Variants in SEC63 observed in about 807,000 individuals in gnomAD.
SEC63 encodes translocation protein SEC63 homolog.
Under a neutral mutation model 116.2 loss-of-function variants are expected in SEC63, and 56 were observed. The observed-to-expected ratio is 0.48, with a 90% CI of 0.39 to 0.60. SEC63 has a LOEUF of 0.60. SEC63 is among the 20% of genes least tolerant of loss of function. SEC63 has a pLI of 0.00. For synonymous variants in SEC63, 273 were observed against 294.6 expected, an observed-to-expected ratio of 0.93 and a Z score of 0.75; for missense variants, 668 against 900.0, an observed-to-expected ratio of 0.74 and a Z score of 3.30.
At chr6:107,925,368 A>C (rs1020981699) in intron 2 of SEC63, among the ~76,000 whole-genome samples, 1 of 152,220 alleles carries the variant, frequency 6.6e-6, no homozygotes, top group East Asian at 1.9e-4. Flanking sequence ...AGCCTTGTTT[A>C]TAGTAGTAAA....
At chr6:107,916,449 G>C (rs1359512347) in intron 4 of SEC63, among the ~76,000 whole-genome samples, 1 of 152,208 alleles carries the variant, frequency 6.6e-6, no homozygotes, top group South Asian at 2.1e-4. Flanking sequence ...CCTCTACTAA[G>C]TACAAAAATA....
In SEC63 at chr6:107,868,757, C is replaced by T. The variant is rs1255779090; in HGVS notation, c.*2947G>A. On this transcript the variant is annotated 3_prime_UTR_variant, in exon 21 of 21. Transcript: ENST00000369002. Reference sequence around the variant, plus strand: ...ACTCATCTACCTGCTCTAACACCAGCGAGTGAGTTCTTAACACTATTTTTT... The same window carrying T: ...ACTCATCTACCTGCTCTAACACCAGTGAGTGAGTTCTTAACACTATTTTTT... The T allele has an allele frequency of 1.3e-5, 2 of 151,866 alleles. No homozygotes were observed. Among genetic ancestry groups the T allele is most frequent in the East Asian group, 1.9e-4 (1 of 5,190 alleles). 9.4% of individuals were successfully genotyped at this position (151,866 alleles called of 1,614,324 possible).
At chr6:107,895,716 G>A (rs2114430741) in intron 14 of SEC63, among the ~76,000 whole-genome samples, 1 of 151,504 alleles carries the variant, frequency 6.6e-6, no homozygotes, top group East Asian at 2.0e-4. Context: ...TGACTCAGGA[G>A]AAAATATAAA....
chr6:107,897,825 C>A, intron 13 of SEC63, 94 bp from the exon 14 acceptor site: 1 of 820,852 alleles, frequency 1.2e-6, no homozygotes, highest in East Asian at 2.4e-5. Flanking sequence ...ATTAGTTTGG[C>A]ACTTTAGTAT....
rs768329883 is a variant in SEC63 at position 107,881,127 on chromosome 6, C to CA, written c.1935+21dup. On this transcript the variant is annotated intron_variant, in intron 18 of 20. Transcript: ENST00000369002. ...GAGAAAGTGAATGGAATAAGGAACA[C>CA]AGTAGCCTGTATATAACTCACCTCA... 23 of 1,482,446 alleles carry CA rather than the reference C, an allele frequency of 1.6e-5. No homozygotes were observed. The East Asian group carries it at 5.0e-4, about 32-fold the overall frequency. The allele number at this position is 1,482,446 out of a possible 1,614,324, so 91.8% of individuals were successfully genotyped here. A position where few individuals can be genotyped will look rare whatever the true frequency, so the allele number is the denominator to read the frequency against.
chr6:107,876,476 A>G, intron 19 of SEC63, 88 bp downstream of exon 19: 1 of 854,626 alleles, frequency 1.2e-6, no homozygotes, highest in Non-Finnish European at 2.0e-6. Context: ...TAAATATGAT[A>G]AACTTTTTAA....
Position 107,875,369 on chromosome 6 carries a change from T to C in SEC63, c.2034+1195A>G, listed in dbSNP as rs150515326. 5.7e-3 allele frequency among the ~76,000 whole-genome samples: 867 copies of C among 152,282 alleles called. 6 individuals are homozygous for C. The highest frequency in any genetic ancestry group is 9.8e-3 in the Non-Finnish European group (668 of 68,018). ...GATCTAGGGAGGTTTCATGATACCA[T>C]GCTTGTTAACTTTTCAATAGGTTTT... On this transcript the variant is annotated intron_variant, in intron 19 of 20. Coordinates refer to ENST00000369002, the MANE Select transcript of SEC63 (RefSeq NM_007214.5).
chr6:107,901,519 TG>T lies in SEC63; in HGVS notation c.1210-3del. On this transcript the variant is annotated splice_region_variant and splice_polypyrimidine_tract_variant and intron_variant, in intron 12 of 20. Transcript: ENST00000369002. ...ATCCTGGATAGTTTTAATTTTATAC[TG>T]AATAAAAAAAAAAAAGAAAATACAT... 1 of 1,537,000 alleles carries T rather than the reference TG, an allele frequency of 6.5e-7. No individual in the cohort carries two copies. Among genetic ancestry groups the T allele is most frequent in the Non-Finnish European group, 8.9e-7 (1 of 1,125,926 alleles).
At chr6:107,878,541 T>C (rs911178142) in intron 18 of SEC63, among the ~76,000 whole-genome samples, 8 of 152,194 alleles carry the variant, frequency 5.3e-5, no homozygotes, top group Non-Finnish European at 7.3e-5. Flanking sequence ...GCCTATTTAA[T>C]TACAATGAGA....
At chr6:107,928,170 CCCT>C (rs975066045) in intron 2 of SEC63, among the ~76,000 whole-genome samples, 1 of 152,106 alleles carries the variant, frequency 6.6e-6, no homozygotes, top group Non-Finnish European at 1.5e-5. Flanking sequence ...GCTAGAATTT[CCCT>C]CCTCCTACAA....
chr6:107,888,249 G>C (rs1330898513), intron 16 of SEC63, among the ~76,000 whole-genome samples: 1 of 152,094 alleles, frequency 6.6e-6, no homozygotes, highest in African/African-American at 2.4e-5. Context: ...CCATTTGTTT[G>C]TGTCCTCTCT....
chr6:107,904,389 G>A (rs543322179), intron 11 of SEC63, among the ~76,000 whole-genome samples: 5 of 148,406 alleles, frequency 3.4e-5, no homozygotes, highest in South Asian at 2.1e-4. Context: ...CAGCCTGGGC[G>A]ACAAAGCAAG....
At chr6:107,946,229 C>T (rs1040322105) in intron 1 of SEC63, among the ~76,000 whole-genome samples, 1 of 151,238 alleles carries the variant, frequency 6.6e-6, no homozygotes, top group African/African-American at 2.4e-5. Context: ...GCCACCGCAC[C>T]TGACCTATTT....
chr6:107,933,151 A>C (rs552955697), intron 1 of SEC63, among the ~76,000 whole-genome samples: 1 of 152,142 alleles, frequency 6.6e-6, no homozygotes, highest in Non-Finnish European at 1.5e-5. Flanking sequence ...TTAAAGATGA[A>C]GGAAGGGCCA....
intron 4 of SEC63, 111 bp from the exon 5 acceptor site, chr6:107,913,538 T>A (rs1367645045): frequency 2.5e-6 from 2 of 796,446 alleles, no homozygotes; most frequent in East Asian, 2.4e-5. Flanking sequence ...AGATACTGAT[T>A]CCATGAATCA....
At chr6:107,930,197 T>TTTTTG (rs1787768360) in intron 1 of SEC63, 1 of 147,606 alleles carries the variant, frequency 6.8e-6, no homozygotes, top group African/African-American at 2.5e-5. Flanking sequence ...TTTTTTTTTT[T>TTTTTG]GTAGAAACTG....
chr6:107,917,067 G>A (rs1047875338), intron 4 of SEC63, among the ~76,000 whole-genome samples: 1 of 152,130 alleles, frequency 6.6e-6, no homozygotes, highest in Non-Finnish European at 1.5e-5. Flanking sequence ...CCGGAATGAG[G>A]GCAAGAACAC....
Position 107,869,777 on chromosome 6 carries a change from T to G in SEC63, c.*1927A>C, listed in dbSNP as rs1446368742. 6.0e-4 allele frequency: 2 copies of G among 3,314 alleles called. No homozygotes were observed. The highest frequency in any genetic ancestry group is 3.5e-3 in the East Asian group (2 of 576). The allele number at this position is 3,314 out of a possible 1,614,324, so 0.2% of individuals were successfully genotyped here. A position where few individuals can be genotyped will look rare whatever the true frequency, so the allele number is the denominator to read the frequency against. The stretch of plus-strand genomic sequence containing the variant: ...GGAATTTTCTGGTGATGGTAGTTTT[T>G]TTTTTTTTTTTTTTTTTAAGCACTG... On this transcript the variant is annotated 3_prime_UTR_variant, in exon 21 of 21. Transcript: ENST00000369002.
intron 1 of SEC63, among the ~76,000 whole-genome samples, chr6:107,941,837 A>G (rs951546992): frequency 1.3e-5 from 2 of 152,212 alleles, no homozygotes; most frequent in African/African-American, 4.8e-5. Context: ...GCTTATCTCC[A>G]CTGCAGCAGC....
Sources: gnomAD v4.1 joint callset for allele counts (sites outside exome capture counted in the v4.1 genomes callset) on GRCh38, gnomAD v4.1.1 for gene constraint, MANE v1.5 for transcripts, NCBI Gene and HGNC (gene_info 2026-07-23, HGNC 2026-07-21) for gene names.